The following SCAND3 variants were observed in gnomAD, a reference collection of about 807,000 sequenced individuals.
The protein encoded by SCAND3 is SCAN domain containing 3.
chr6:28,593,379 GTTTT>G, the SCAND3 span, among the ~76,000 whole-genome samples: 49 of 147,304 alleles, frequency 3.3e-4, no homozygotes, highest in South Asian at 6.9e-3. Flanking sequence ...ATTAGAATGA[GTTTT>G]TTTTTTTTTT....
the SCAND3 span, chr6:28,590,772 TG>T: frequency 6.6e-6 from 1 of 152,226 alleles, no homozygotes; most frequent in African/African-American, 2.4e-5. Flanking sequence ...GAATTACCAT[TG>T]GTTACACAGA....
At chr6:28,593,656 C>T in the SCAND3 span, 2 of 152,322 alleles carry the variant, frequency 1.3e-5, no homozygotes, top group East Asian at 3.9e-4. Flanking sequence ...GCCTAGGGGA[C>T]AAGAACGAGA....
chr6:28,593,654 G>A, the SCAND3 span: 4 of 152,234 alleles, frequency 2.6e-5, no homozygotes, highest in African/African-American at 7.2e-5. Context: ...CAGCCTAGGG[G>A]ACAAGAACGA....
chr6:28,589,557 T>C, the SCAND3 span: 1 of 152,196 alleles, frequency 6.6e-6, no homozygotes, highest in African/African-American at 2.4e-5. Context: ...TGTGGTCGCG[T>C]GCACGGTATT....
the SCAND3 span, chr6:28,586,476 A>G: frequency 6.2e-7 from 1 of 1,614,268 alleles, no homozygotes; most frequent in Non-Finnish European, 8.5e-7. The surrounding 1 kb of genome is among the most constrained non-coding windows in gnomAD (Gnocchi z 4.4). Context: ...CTCTGGGTTC[A>G]GCCACTGACG....
chr6:28,575,681 T>A, the SCAND3 span: 3 of 1,614,214 alleles, frequency 1.9e-6, no homozygotes, highest in South Asian at 3.3e-5. This position sits in a 1 kb window ranked among gnomAD's most constrained non-coding sequence, Gnocchi z 4.2. Flanking sequence ...TACAGCATTA[T>A]AACTTCTTTT....
At chr6:28,574,661 C>T in the SCAND3 span, 2 of 1,613,308 alleles carry the variant, frequency 1.2e-6, no homozygotes, top group African/African-American at 1.3e-5. Context: ...CCTACTTTGT[C>T]TGGTGAAAAT....
At chr6:28,572,257 A>C in the SCAND3 span, 25 of 1,612,778 alleles carry the variant, frequency 1.6e-5, no homozygotes, top group Non-Finnish European at 2.0e-5. The surrounding 1 kb of genome is among the most constrained non-coding windows in gnomAD (Gnocchi z 4.1). Flanking sequence ...TTTTGATGAA[A>C]GAAATGGATT....
chr6:28,613,050 G>T, the SCAND3 span, among the ~76,000 whole-genome samples: 1 of 152,070 alleles, frequency 6.6e-6, no homozygotes, highest in Admixed American at 6.6e-5. Flanking sequence ...AAATTGACTA[G>T]ATATTATAAA....
chr6:28,571,919 A>G, the SCAND3 span: 4 of 1,612,834 alleles, frequency 2.5e-6, no homozygotes, highest in Admixed American at 1.7e-5. Flanking sequence ...TTTTAATGTG[A>G]TAAGTGAGCT....
the SCAND3 span, chr6:28,572,123 C>A: frequency 1.2e-6 from 2 of 1,614,016 alleles, no homozygotes; most frequent in Non-Finnish European, 8.5e-7. The surrounding 1 kb of genome is among the most constrained non-coding windows in gnomAD (Gnocchi z 4.1). Flanking sequence ...TCAGGATAGT[C>A]ATTTTTAGCT....
At chr6:28,603,867 T>G in the SCAND3 span, among the ~76,000 whole-genome samples, 2 of 152,222 alleles carry the variant, frequency 1.3e-5, no homozygotes, top group Admixed American at 6.5e-5. Context: ...GCAGGTCAGC[T>G]GGGACTCGCT....
chr6:28,590,653 A>G, the SCAND3 span: 1 of 152,210 alleles, frequency 6.6e-6, no homozygotes, highest in Non-Finnish European at 1.5e-5. Flanking sequence ...ATTTATTTTC[A>G]GATTTCTTAC....
chr6:28,586,395 A>T, the SCAND3 span: 2 of 1,614,036 alleles, frequency 1.2e-6, no homozygotes, highest in Admixed American at 1.7e-5. The surrounding 1 kb of genome is among the most constrained non-coding windows in gnomAD (Gnocchi z 4.4). Context: ...CCAAGACTGG[A>T]GCTCCTCAGG....
the SCAND3 span, chr6:28,572,849 C>G: frequency 6.2e-7 from 1 of 1,613,576 alleles, no homozygotes; most frequent in Non-Finnish European, 8.5e-7. This position sits in a 1 kb window ranked among gnomAD's most constrained non-coding sequence, Gnocchi z 4.1. Context: ...CTATTTAGTT[C>G]AGCTGATATT....
chr6:28,575,268 G>A, the SCAND3 span: 2 of 1,613,948 alleles, frequency 1.2e-6, no homozygotes, highest in South Asian at 1.1e-5. This position sits in a 1 kb window ranked among gnomAD's most constrained non-coding sequence, Gnocchi z 4.2. Flanking sequence ...TCCTCTTTCG[G>A]ATATCCTCAG....
chr6:28,589,370 C>A, the SCAND3 span: 4 of 152,070 alleles, frequency 2.6e-5, no homozygotes, highest in African/African-American at 4.8e-5. Context: ...CTACTGTACC[C>A]TTGTGGTTGG....
At chr6:28,585,134 C>T in the SCAND3 span, 2 of 152,296 alleles carry the variant, frequency 1.3e-5, no homozygotes, top group Non-Finnish European at 2.9e-5. Flanking sequence ...CATACATTTA[C>T]TCCTTTATGC....
the SCAND3 span, among the ~76,000 whole-genome samples, chr6:28,580,031 T>C: frequency 1.3e-5 from 2 of 152,320 alleles, no homozygotes; most frequent in Non-Finnish European, 2.9e-5. Context: ...CAGAATATTC[T>C]AAAAGGGAAT....
Sources: gnomAD v4.1 joint callset for allele counts (sites outside exome capture counted in the v4.1 genomes callset) on GRCh38, gnomAD v4.1.1 for gene constraint, Gnocchi (gnomAD v3.1) non-coding constraint, MANE v1.5 for transcripts, NCBI Gene and HGNC (gene_info 2026-07-23, HGNC 2026-07-21) for gene names.